The following BID variants were observed in gnomAD, a reference collection of about 807,000 sequenced individuals.
BID encodes BH3 interacting domain death agonist.
BID carries 19 observed loss-of-function variants against 17.4 expected under a neutral mutation model. That is an observed-to-expected ratio of 1.09 (90% confidence interval 0.76 to 1.60). BID has a LOEUF of 1.60. Among genes scored for constraint, BID ranks in the 40% most tolerant of loss-of-function variants. BID has a pLI of 0.00. For missense variants in BID, 226 were observed against 256.0 expected (o/e 0.88, Z 0.80); for synonymous variants, 108 against 102.8 (o/e 1.05, Z -0.31).
intron 1 of BID, among the ~76,000 whole-genome samples, chr22:17,759,663 G>T (rs2061622011): frequency 1.3e-5 from 2 of 152,128 alleles, no homozygotes; most frequent in Admixed American, 1.3e-4. Flanking sequence ...CTCAAGGCCA[G>T]CCTGGGCAAC....
chr22:17,772,594 C>T (rs914785492), intron 1 of BID, among the ~76,000 whole-genome samples: 6 of 152,204 alleles, frequency 3.9e-5, no homozygotes, highest in Admixed American at 2.0e-4. Context: ...GACTCACGGC[C>T]CTTCTGCCTG....
chr22:17,750,244 C>G, intron 1 of BID, 70 bp from the exon 2 acceptor site: 3 of 1,327,580 alleles, frequency 2.3e-6, no homozygotes, highest in Non-Finnish European at 2.1e-6. Context: ...GGGAGGACGA[C>G]GAAGCTGGCC....
chr22:17,738,623 C>G (rs1483230022), intron 4 of BID, among the ~76,000 whole-genome samples: 3 of 152,130 alleles, frequency 2.0e-5, no homozygotes, highest in Non-Finnish European at 4.4e-5. Context: ...ACTAGACAGA[C>G]TACAAGGCTG....
chr22:17,757,121 C>G (rs1472400861), intron 1 of BID, among the ~76,000 whole-genome samples: 2 of 152,058 alleles, frequency 1.3e-5, no homozygotes, highest in Non-Finnish European at 2.9e-5. Flanking sequence ...GCCTAAGAAA[C>G]CACCAGGCTT....
At chr22:17,766,961 C>T (rs1161720603) in intron 1 of BID, among the ~76,000 whole-genome samples, 3 of 151,840 alleles carry the variant, frequency 2.0e-5, no homozygotes, top group South Asian at 2.1e-4. Context: ...TGGTGGCTCA[C>T]GCCTGTAATC....
chr22:17,755,082 C>CTTTTTTTTTTTTTT (rs59654004), intron 1 of BID, among the ~76,000 whole-genome samples: 6 of 99,252 alleles, frequency 6.0e-5, no homozygotes, highest in Admixed American at 1.2e-4. Context: ...TTTTTCTTTT[C>CTTTTTTTTTTTTTT]TTTTTTTTTT....
At chr22:17,757,720 A>AAAG (rs979081209) in intron 1 of BID, among the ~76,000 whole-genome samples, 5 of 151,888 alleles carry the variant, frequency 3.3e-5, no homozygotes, top group African/African-American at 1.2e-4. Flanking sequence ...AAAAAAAAAA[A>AAAG]AAAAGAAAAA....
Position 17,773,378 on chromosome 22 carries a change from C to A in BID, c.-59+1003G>T, listed in dbSNP as rs148333079. Among the ~76,000 whole-genome samples the A allele has an allele frequency of 2.0e-5, 3 of 152,268 alleles. No homozygotes were observed. The highest frequency in any genetic ancestry group is 6.5e-5 in the Admixed American group (1 of 15,300). On this transcript the variant is annotated intron_variant, in intron 1 of 5. Coordinates refer to ENST00000622694, the MANE Select transcript of BID (RefSeq NM_001196.4). This position sits in a 1 kb window ranked among gnomAD's most constrained non-coding sequence, Gnocchi z 4.4. ...ACATTCAGGCCCAGGAGAGCTCCCC[C>A]CATCTCAAAGCCTCCTGTGGGTGGA... is the stretch of plus-strand genomic sequence containing the variant.
intron 1 of BID, among the ~76,000 whole-genome samples, chr22:17,755,947 A>G (rs2061579666): frequency 6.6e-6 from 1 of 152,062 alleles, no homozygotes; most frequent in Non-Finnish European, 1.5e-5. Context: ...GGCTCACTGC[A>G]ACCTCTGCCT....
Position 17,734,155 on chromosome 22 carries a change from T to C in BID, c.*1425A>G, listed in dbSNP as rs1441609863. On this transcript the variant is annotated 3_prime_UTR_variant, in exon 6 of 6. Transcript: ENST00000622694. The stretch of plus-strand genomic sequence containing the variant: ...ATGAAAAGTCGTAGTGTTAGGAAGA[T>C]TTATTTCCAAACAGTGGCCTCCACA... The C allele has an allele frequency of 6.6e-6, 1 of 152,226 alleles. No homozygotes were observed. Among genetic ancestry groups the C allele is most frequent in the East Asian group, 1.9e-4 (1 of 5,200 alleles). The allele number at this position is 152,226 out of a possible 1,614,324, so 9.4% of individuals were successfully genotyped here.
Position 17,735,364 on chromosome 22 carries a change from C to T in BID, c.*216G>A, listed in dbSNP as rs977921585. 13 of 581,160 alleles carry T rather than the reference C, an allele frequency of 2.2e-5. No homozygotes were observed. The highest frequency in any genetic ancestry group is 3.3e-5 in the Non-Finnish European group (11 of 330,226). 36.0% of individuals were successfully genotyped at this position (581,160 alleles called of 1,614,324 possible). A position where few individuals can be genotyped will look rare whatever the true frequency, so the allele number is the denominator to read the frequency against. ...GGATGATATGAAGGCCATTCAAATACGTGTAAATGGACATTTTCATTCAAG... is the reference window on the plus strand; with the variant it reads ...GGATGATATGAAGGCCATTCAAATATGTGTAAATGGACATTTTCATTCAAG... On this transcript the variant is annotated 3_prime_UTR_variant, in exon 6 of 6. Coordinates refer to ENST00000622694, the MANE Select transcript of BID (RefSeq NM_001196.4).
At chr22:17,753,111 C>T (rs551614348) in intron 1 of BID, among the ~76,000 whole-genome samples, 79 of 148,218 alleles carry the variant, frequency 5.3e-4, no homozygotes, top group Admixed American at 1.7e-3. Context: ...GGACTACAGG[C>T]GCCCACCACC....
Position 17,738,086 on chromosome 22 carries a change from A to G in BID, c.507T>C (p.Asp169=). The change falls in exon 5 of 6, where the codon GAT becomes GAC. Residue 169 remains aspartate (D), a synonymous_variant. Coordinates refer to ENST00000622694, the MANE Select transcript of BID (RefSeq NM_001196.4). ...TAAAATTCACTGTTGTGTGAAAGACATCACGGAGCAAGGACGGCGTGTGAC... is the reference window on the plus strand; with the variant it reads ...TAAAATTCACTGTTGTGTGAAAGACGTCACGGAGCAAGGACGGCGTGTGAC... ...VASHTPSLLR[D]VFHTTVNFIN... The G allele has an allele frequency of 6.2e-7, 1 of 1,614,194 alleles. No homozygotes were observed. The highest frequency in any genetic ancestry group is 1.1e-5 in the South Asian group (1 of 91,088).
upstream of BID, chr22:17,774,470 A>G (rs1451046239): frequency 1.1e-5 from 3 of 283,874 alleles, no homozygotes; most frequent in South Asian, 5.7e-5. Context: ...CTTCCTCCTT[A>G]TGGCGCCCCG....
intron 1 of BID, among the ~76,000 whole-genome samples, chr22:17,758,271 G>A (rs535535069): frequency 2.6e-5 from 4 of 152,320 alleles, no homozygotes; most frequent in South Asian, 2.1e-4. Flanking sequence ...CTGACTCCAC[G>A]GTCGCCTCAG....
Position 17,751,561 on chromosome 22 carries a change from T to TA in BID, c.-58-1388_-58-1387insT, listed in dbSNP as rs541062546. The stretch of plus-strand genomic sequence containing the variant: ...AAAACCAAGCATTGGCAATTTCACA[T>TA]GGTTCCTGAATACATAGGAAATAAA... On this transcript the variant is annotated intron_variant, in intron 1 of 5. Transcript: ENST00000622694. Among the ~76,000 whole-genome samples, 48 of 152,272 alleles carry TA rather than the reference T, an allele frequency of 3.2e-4. 3 individuals are homozygous for TA. In the South Asian group the frequency reaches 9.3e-3, roughly 30 times the overall value.
At chr22:17,770,176 C>T (rs1019523517) in intron 1 of BID, among the ~76,000 whole-genome samples, 2 of 152,138 alleles carry the variant, frequency 1.3e-5, no homozygotes. Context: ...ACACCAGAAC[C>T]CCAGAGAAGC....
chr22:17,746,001 A>G (rs1333278070), intron 2 of BID, among the ~76,000 whole-genome samples: 1 of 152,018 alleles, frequency 6.6e-6, no homozygotes, highest in Non-Finnish European at 1.5e-5. Context: ...ATAAATAAAT[A>G]AATAAATAAA....
chr22:17,735,883 T>C (rs1280893545), intron 5 of BID, among the ~76,000 whole-genome samples: 2 of 152,212 alleles, frequency 1.3e-5, no homozygotes, highest in African/African-American at 4.8e-5. Flanking sequence ...TCTGGTAAGC[T>C]GTCCATACAG....
Sources: allele counts gnomAD v4.1 joint callset (sites outside exome capture counted in the v4.1 genomes callset), GRCh38; gene constraint gnomAD v4.1.1; non-coding constraint Gnocchi (gnomAD v3.1); transcripts MANE v1.5; gene names NCBI Gene and HGNC (gene_info 2026-07-23, HGNC 2026-07-21).